The following KCNJ6 variants were observed in gnomAD, a reference collection of about 807,000 sequenced individuals.
KCNJ6 encodes potassium inwardly rectifying channel subfamily J member 6.
KCNJ6 carries 9 observed loss-of-function variants against 34.2 expected under a neutral mutation model. That is an observed-to-expected ratio of 0.26 (90% CI 0.16 to 0.46). The LOEUF is 0.46. KCNJ6 is among the 20% of genes least tolerant of loss of function. The probability of loss-of-function intolerance (pLI) is 1.00; values close to 1 mark genes in which losing one functional copy is unlikely to be tolerated. For missense variants in KCNJ6, 236 were observed against 531.3 expected (o/e 0.44, Z 5.46); for synonymous variants, 196 against 207.1 (o/e 0.95, Z 0.46).
intron 3 of KCNJ6, among the ~76,000 whole-genome samples, chr21:37,707,729 G>GTGTGTGTGTGTGTGTGTATA (rs1556022151): frequency 4.0e-5 from 6 of 151,034 alleles, no homozygotes; most frequent in South Asian, 2.1e-4. Context: ...GTGCATGTGT[G>GTGTGTGTGTGTGTGTGTATA]TGTGTGAATA....
chr21:37,836,854 G>A (rs904937783), intron 2 of KCNJ6, among the ~76,000 whole-genome samples: 2 of 151,992 alleles, frequency 1.3e-5, no homozygotes, highest in Admixed American at 6.5e-5. Flanking sequence ...AAATCTGCCC[G>A]TTCTGCACAT....
At chr21:37,677,281 T>C (rs1254353606) in intron 3 of KCNJ6, among the ~76,000 whole-genome samples, 2 of 152,228 alleles carry the variant, frequency 1.3e-5, no homozygotes, top group Non-Finnish European at 2.9e-5. Flanking sequence ...GCTCAGTTCC[T>C]GGTAGGCAGC....
At chr21:37,658,967 T>TTTTCAG (rs1422127005) in intron 3 of KCNJ6, among the ~76,000 whole-genome samples, 1 of 152,222 alleles carries the variant, frequency 6.6e-6, no homozygotes, top group African/African-American at 2.4e-5. Context: ...GATTAATTTG[T>TTTTCAG]TTTCAGTGTT....
chr21:37,804,179 A>C (rs1455302481), intron 2 of KCNJ6, among the ~76,000 whole-genome samples: 1 of 152,220 alleles, frequency 6.6e-6, no homozygotes, highest in Non-Finnish European at 1.5e-5. Context: ...TCAGAAAGAC[A>C]GATAATAACA....
At position 37,609,364 on chromosome 21, in the gene KCNJ6, T is replaced by C. The variant is rs1271923675; in HGVS notation, c.*15795A>G. On this transcript the variant is annotated 3_prime_UTR_variant, in exon 4 of 4. Coordinates refer to ENST00000609713, the MANE Select transcript of KCNJ6 (RefSeq NM_002240.5). The stretch of plus-strand genomic sequence containing the variant: ...ACAAACATGCAACCCCCAAACTAGA[T>C]GCAGTCTTATCTTCAATCGCATAGA... 3 of 152,212 alleles carry C rather than the reference T, an allele frequency of 2.0e-5. No homozygotes were observed. Among genetic ancestry groups the C allele is most frequent in the African/African-American group, 7.2e-5 (3 of 41,450 alleles). The allele number at this position is 152,212 out of a possible 1,614,324, so 9.4% of individuals were successfully genotyped here. A position where few individuals can be genotyped will look rare whatever the true frequency, so the allele number is the denominator to read the frequency against.
At position 37,620,838 on chromosome 21, in the gene KCNJ6, T is replaced by C. The variant is rs868395111; in HGVS notation, c.*4321A>G. 1.2e-4 allele frequency: 19 copies of C among 152,232 alleles called. No homozygotes were observed. The highest frequency in any genetic ancestry group is 3.9e-4 in the African/African-American group (16 of 41,450). The allele number at this position is 152,232 out of a possible 1,614,324, so 9.4% of individuals were successfully genotyped here. A position where few individuals can be genotyped will look rare whatever the true frequency, so the allele number is the denominator to read the frequency against. ...TTATTATTATATATTCTGTGATTTA[T>C]CAAAATCTCTTAGCAGCCTTCTGAC... On this transcript the variant is annotated 3_prime_UTR_variant, in exon 4 of 4. Coordinates refer to ENST00000609713, the MANE Select transcript of KCNJ6 (RefSeq NM_002240.5).
rs989417281 is a variant in KCNJ6, at chr21:37,776,609, C to T, written c.26-61478G>A. Reference sequence around the variant, plus strand: ...TTTTCTGCATCTATTGAGATAATCACGTGGTTTTTGTCATTGGTTCTGTTT... The same window carrying T: ...TTTTCTGCATCTATTGAGATAATCATGTGGTTTTTGTCATTGGTTCTGTTT... On this transcript the variant is annotated intron_variant, in intron 2 of 3. Transcript: ENST00000609713. Among the ~76,000 whole-genome samples, 3 of 152,064 alleles carry T rather than the reference C, an allele frequency of 2.0e-5. No homozygotes were observed. In the East Asian group the frequency reaches 5.8e-4, roughly 29 times the overall value.
chr21:37,625,998 C>A (rs900836405), intron 3 of KCNJ6, among the ~76,000 whole-genome samples: 2 of 152,230 alleles, frequency 1.3e-5, no homozygotes, highest in African/African-American at 2.4e-5. Context: ...CTGCCATTAA[C>A]ACACAGGCCA....
chr21:37,813,774 A>G (rs1008336188), intron 2 of KCNJ6, among the ~76,000 whole-genome samples: 1 of 152,336 alleles, frequency 6.6e-6, no homozygotes. Flanking sequence ...AAAGACTTAA[A>G]CCTAAGACCT....
intron 2 of KCNJ6, among the ~76,000 whole-genome samples, chr21:37,761,264 G>A (rs1352644803): frequency 6.7e-6 from 1 of 150,108 alleles, no homozygotes; most frequent in East Asian, 1.9e-4. Context: ...GTATATGTGT[G>A]TTGTGTGTGG....
In KCNJ6 at chr21:37,618,787, G is replaced by C. The variant is rs889643710; in HGVS notation, c.*6372C>G. Reference sequence around the variant, plus strand: ...TCACTTAATCATGTTGACCACCCCAGTGAAATATTTTTGTGTGCCTTTAAA... The same window carrying C: ...TCACTTAATCATGTTGACCACCCCACTGAAATATTTTTGTGTGCCTTTAAA... On this transcript the variant is annotated 3_prime_UTR_variant, in exon 4 of 4. Transcript: ENST00000609713. 6.6e-6 allele frequency: 1 copy of C among 152,170 alleles called. No individual in the cohort carries two copies. Among genetic ancestry groups the C allele is most frequent in the African/African-American group, 2.4e-5 (1 of 41,444 alleles). 9.4% of individuals were successfully genotyped at this position (152,170 alleles called of 1,614,324 possible). A position where few individuals can be genotyped will look rare whatever the true frequency, so the allele number is the denominator to read the frequency against.
intron 2 of KCNJ6, among the ~76,000 whole-genome samples, chr21:37,721,829 T>C (rs1410713099): frequency 6.6e-6 from 1 of 152,172 alleles, no homozygotes; most frequent in African/African-American, 2.4e-5. Flanking sequence ...TCAATTTGTC[T>C]TGGGTGTAGA....
chr21:37,901,194 A>G (rs2055815275), intron 1 of KCNJ6, among the ~76,000 whole-genome samples: 1 of 152,244 alleles, frequency 6.6e-6, no homozygotes, highest in Non-Finnish European at 1.5e-5. Context: ...CAATGTTAAA[A>G]TGTGTTTACT....
chr21:37,816,045 T>A (rs891659689), intron 2 of KCNJ6, among the ~76,000 whole-genome samples: 2 of 152,082 alleles, frequency 1.3e-5, no homozygotes, highest in African/African-American at 2.4e-5. Flanking sequence ...CAGGAAAGGG[T>A]GTTGGCCATG....
Position 37,640,346 on chromosome 21 carries a change from C to G in KCNJ6, c.947-14862G>C, listed in dbSNP as rs142644832. Among the ~76,000 whole-genome samples, 167 of 152,342 alleles carry G rather than the reference C, an allele frequency of 1.1e-3. No homozygotes were observed. The Middle Eastern group carries it at 0.044, about 40-fold the overall frequency. ...ACCTAGGACAGGCTACTTCACCTCT[C>G]TCACTTCCTCATCAGTCACATGGGG... On this transcript the variant is annotated intron_variant, in intron 3 of 3. Transcript: ENST00000609713.
intron 1 of KCNJ6, among the ~76,000 whole-genome samples, chr21:37,863,874 T>TTTTTTTTTTTTTTC (rs1239573568): frequency 2.7e-5 from 4 of 145,552 alleles, no homozygotes; most frequent in Non-Finnish European, 4.5e-5. Flanking sequence ...TTTTTTTTTT[T>TTTTTTTTTTTTTTC]TGGTGAAGAG....
chr21:37,869,821 T>C (rs1347816338), intron 1 of KCNJ6, among the ~76,000 whole-genome samples: 1 of 152,258 alleles, frequency 6.6e-6, no homozygotes, highest in African/African-American at 2.4e-5. Flanking sequence ...GCCTATTGGT[T>C]GACCAGATGG....
chr21:37,671,565 G>T (rs1187059027), intron 3 of KCNJ6, among the ~76,000 whole-genome samples: 1 of 152,214 alleles, frequency 6.6e-6, no homozygotes, highest in Non-Finnish European at 1.5e-5. Context: ...GGGGTTGCGG[G>T]AACTCCCAAT....
chr21:37,869,738 A>C (rs749778315), intron 1 of KCNJ6, among the ~76,000 whole-genome samples: 3 of 152,216 alleles, frequency 2.0e-5, no homozygotes, highest in Non-Finnish European at 2.9e-5. Context: ...CACACATCTG[A>C]ATTAGGTAGC....
Sources: allele counts gnomAD v4.1 joint callset (sites outside exome capture counted in the v4.1 genomes callset), GRCh38; gene constraint gnomAD v4.1.1; transcripts MANE v1.5; gene names NCBI Gene and HGNC (gene_info 2026-07-23, HGNC 2026-07-21).